Variants in USH2A observed in about 807,000 individuals in gnomAD.
The protein encoded by USH2A is usherin, also known as Usher syndrome 2A (autosomal recessive, mild).
A neutral mutation model predicts 538.9 loss-of-function variants in USH2A; 443 were observed. The observed-to-expected ratio is 0.82, with a 90% CI of 0.76 to 0.89. The LOEUF (loss-of-function observed/expected upper bound fraction) is 0.89. USH2A is among the 40% of genes least tolerant of loss of function. The pLI, the probability that USH2A is intolerant of heterozygous loss-of-function variation, is 0.00. For missense variants in USH2A, 6,633 were observed against 6,324.8 expected (o/e 1.05, Z -1.65); for synonymous variants, 2,413 against 2,273.5 (o/e 1.06, Z -1.75).
At chr1:216,156,342 C>A (rs571651043) in intron 21 of USH2A, among the ~76,000 whole-genome samples, 1 of 128,410 alleles carries the variant, frequency 7.8e-6, no homozygotes, top group Non-Finnish European at 1.6e-5. Flanking sequence ...GCCTCATCCT[C>A]GGAGAGGTCT....
chr1:215,992,445 A>G (rs1348326179), intron 35 of USH2A, among the ~76,000 whole-genome samples: 1 of 152,338 alleles, frequency 6.6e-6, no homozygotes, highest in East Asian at 1.9e-4. Flanking sequence ...GTACAAAAAC[A>G]TATATATTGC....
At chr1:216,397,602 G>C (rs4078266) in intron 3 of USH2A, among the ~76,000 whole-genome samples, 90,725 of 152,076 alleles carry the variant, frequency 0.6, 28,012 homozygotes, top group East Asian at 0.8. Flanking sequence ...TTCTCTTCCA[G>C]TGCAGAATGC....
At chr1:215,944,402 C>T (rs919031533) in intron 37 of USH2A, among the ~76,000 whole-genome samples, 2 of 152,044 alleles carry the variant, frequency 1.3e-5, no homozygotes, top group African/African-American at 2.4e-5. Context: ...GAGCAATTTC[C>T]AGTTTCTAGA....
intron 61 of USH2A, among the ~76,000 whole-genome samples, chr1:215,723,636 T>C (rs932796883): frequency 1.3e-5 from 2 of 152,216 alleles, no homozygotes; most frequent in African/African-American, 4.8e-5. Flanking sequence ...CTGTGCCTCA[T>C]TAATGGAGAA....
rs779155693 is a variant in USH2A at position 215,999,018 on chromosome 1, AGC to A, written c.6524_6525del (p.Arg2175LeufsTer11). On this transcript the variant is annotated frameshift_variant, in exon 34 of 72. Transcript: ENST00000307340. LOFTEE classifies it high-confidence loss of function. ...GTATGGTTTGACATATATAATACAT[AGC>A]GTTCCAGAATCCCACTTATTTTTCT... ...QPRKISGILE[R>X]YVLYMSNHTH... 3 of 1,612,560 alleles carry A rather than the reference AGC, an allele frequency of 1.9e-6. No individual in the cohort carries two copies. Among genetic ancestry groups the A allele is most frequent in the Non-Finnish European group, 2.5e-6 (3 of 1,178,922 alleles).
intron 48 of USH2A, 130 bp from the exon 49 acceptor site, chr1:215,814,034 T>A: frequency 9.0e-7 from 1 of 1,107,698 alleles, no homozygotes; most frequent in Admixed American, 2.2e-5. Context: ...CATATTTCGT[T>A]GGTTTAAAAA....
intron 50 of USH2A, among the ~76,000 whole-genome samples, chr1:215,797,059 G>A: frequency 6.6e-6 from 1 of 152,164 alleles, no homozygotes; most frequent in East Asian, 1.9e-4. Flanking sequence ...ATGAATAAGT[G>A]AAACAGCCTT....
chr1:216,230,707 C>A (rs2035659831), intron 14 of USH2A, among the ~76,000 whole-genome samples: 1 of 151,976 alleles, frequency 6.6e-6, no homozygotes, highest in African/African-American at 2.4e-5. Flanking sequence ...TAATCACAAA[C>A]CCTGAAATAA....
At chr1:215,775,500 C>T (rs1208651662) in intron 55 of USH2A, among the ~76,000 whole-genome samples, 12 of 152,114 alleles carry the variant, frequency 7.9e-5, no homozygotes, top group Admixed American at 7.9e-4. Context: ...ACCAGGAACA[C>T]AATGGCAAAC....
At chr1:215,965,269 AGTT>A in intron 37 of USH2A, 45 bp downstream of exon 37, 1 of 1,551,102 alleles carries the variant, frequency 6.4e-7, no homozygotes, top group Non-Finnish European at 8.8e-7. Context: ...AATAAAAATG[AGTT>A]GTTTTCTAAT....
At chr1:215,968,279 A>G (rs1182772547) in intron 36 of USH2A, among the ~76,000 whole-genome samples, 1 of 152,098 alleles carries the variant, frequency 6.6e-6, no homozygotes, top group Non-Finnish European at 1.5e-5. Flanking sequence ...AGTCAAATAC[A>G]TTATTTGGTT....
intron 21 of USH2A, among the ~76,000 whole-genome samples, chr1:216,103,026 C>T (rs1428253065): frequency 2.0e-5 from 3 of 152,184 alleles, no homozygotes; most frequent in Non-Finnish European, 4.4e-5. Context: ...CAACTATATA[C>T]ATGAATCTCA....
intron 55 of USH2A, among the ~76,000 whole-genome samples, chr1:215,774,507 T>C (rs774953674): frequency 5.3e-4 from 80 of 151,916 alleles, no homozygotes; most frequent in Non-Finnish European, 8.8e-4. Flanking sequence ...ATCTGTGATA[T>C]ATATATTTTG....
At chr1:216,065,109 A>T (rs984994201) in intron 30 of USH2A, among the ~76,000 whole-genome samples, 1 of 152,110 alleles carries the variant, frequency 6.6e-6, no homozygotes, top group South Asian at 2.1e-4. Flanking sequence ...CAGTTTTCTG[A>T]TTTTCTTCTC....
rs557485472 is a variant in USH2A, at chr1:216,329,772, G to A, written c.785-2118C>T. On this transcript the variant is annotated intron_variant, in intron 4 of 71. Transcript: ENST00000307340. ...CCTTGTGGGGAACTTTCTGTGCCCC[G>A]CTATAGTCCTAGGCATTCTCTTTCT... Among the ~76,000 whole-genome samples the A allele has an allele frequency of 8.6e-5, 13 of 152,042 alleles. No homozygotes were observed. In the East Asian group the frequency reaches 1.9e-3, roughly 23 times the overall value.
intron 3 of USH2A, among the ~76,000 whole-genome samples, chr1:216,389,831 C>T (rs1571770956): frequency 6.6e-6 from 1 of 152,090 alleles, no homozygotes; most frequent in South Asian, 2.1e-4. Flanking sequence ...TACATCTTCC[C>T]TTCAGAACCA....
chr1:215,720,677 T>C (rs552413845), intron 61 of USH2A, among the ~76,000 whole-genome samples: 2 of 152,146 alleles, frequency 1.3e-5, no homozygotes, highest in Non-Finnish European at 2.9e-5. Context: ...GGACTTGATA[T>C]TGGCTGCCTG....
intron 61 of USH2A, among the ~76,000 whole-genome samples, chr1:215,712,798 CT>C: frequency 1.3e-5 from 2 of 151,384 alleles, no homozygotes; most frequent in South Asian, 4.2e-4. Flanking sequence ...TCCTGTCTTT[CT>C]TTTCTTTTGT....
At chr1:216,225,132 T>A (rs1309893360) in intron 14 of USH2A, among the ~76,000 whole-genome samples, 3 of 152,120 alleles carry the variant, frequency 2.0e-5, no homozygotes, top group Non-Finnish European at 2.9e-5. Context: ...AAAACAAAAA[T>A]TTCTTATACT....
Sources: allele counts gnomAD v4.1 joint callset (sites outside exome capture counted in the v4.1 genomes callset), GRCh38; gene constraint gnomAD v4.1.1; transcripts MANE v1.5; gene names NCBI Gene and HGNC (gene_info 2026-07-23, HGNC 2026-07-21).